The following PCDH15 variants were observed in gnomAD, a reference collection of about 807,000 sequenced individuals.
PCDH15 encodes the protein protocadherin-15.
PCDH15 carries 129 observed loss-of-function variants against 178.5 expected under a neutral mutation model. The ratio of observed to expected loss-of-function variants is 0.72; its 90% CI spans 0.63 to 0.84. PCDH15 has a LOEUF of 0.84. Ranked by LOEUF, PCDH15 falls within the 40% of genes least tolerant of loss-of-function variation. The probability of loss-of-function intolerance (pLI) is 0.00; values close to 1 mark genes in which losing one functional copy is unlikely to be tolerated. For synonymous variants in PCDH15, 800 were observed against 732.0 expected (o/e 1.09, Z -1.50); for missense variants, 2,230 against 2,099.9 (o/e 1.06, Z -1.21).
chr10:54,247,637 G>A (rs1254972627), intron 8 of PCDH15, among the ~76,000 whole-genome samples: 3 of 151,708 alleles, frequency 2.0e-5, no homozygotes, highest in Non-Finnish European at 4.4e-5. Flanking sequence ...TCATTGAGAT[G>A]GCCTTTTGGG....
chr10:55,510,889 T>C (rs1455467241), intron 2 of PCDH15, among the ~76,000 whole-genome samples: 1 of 150,622 alleles, frequency 6.6e-6, no homozygotes. Context: ...TGAGATAGGA[T>C]CTTACTCTTT....
At chr10:55,565,352 G>A (rs763017731) in intron 2 of PCDH15, among the ~76,000 whole-genome samples, 7 of 151,498 alleles carry the variant, frequency 4.6e-5, no homozygotes, top group Non-Finnish European at 7.4e-5. Flanking sequence ...AAAAAGCAGC[G>A]CTAAGAGAGA....
chr10:54,962,185 G>A (rs1426494571), intron 2 of PCDH15, among the ~76,000 whole-genome samples: 1 of 152,250 alleles, frequency 6.6e-6, no homozygotes, highest in African/African-American at 2.4e-5. Flanking sequence ...ACATGCTCCT[G>A]GACTGTAGGA....
intron 1 of PCDH15, among the ~76,000 whole-genome samples, chr10:55,200,990 T>A (rs1840231004): frequency 6.6e-6 from 1 of 152,090 alleles, no homozygotes; most frequent in African/African-American, 2.4e-5. Flanking sequence ...TATAGCAACA[T>A]GAAAACAGAC....
At chr10:54,465,506 G>A (rs928360655) in intron 3 of PCDH15, among the ~76,000 whole-genome samples, 11 of 151,932 alleles carry the variant, frequency 7.2e-5, no homozygotes, top group African/African-American at 2.7e-4. Context: ...TTGTTTCTGT[G>A]CCTGATTTAT....
At chr10:55,336,124 G>GGAAA (rs1171131975) in intron 2 of PCDH15, among the ~76,000 whole-genome samples, 8 of 59,276 alleles carry the variant, frequency 1.3e-4, no homozygotes, top group African/African-American at 3.6e-4. Context: ...CTTGGTATTT[G>GGAAA]AAAAAAAAAA....
intron 2 of PCDH15, among the ~76,000 whole-genome samples, chr10:54,620,542 T>G (rs1006472377): frequency 2.6e-5 from 4 of 152,056 alleles, no homozygotes; most frequent in African/African-American, 9.7e-5. Flanking sequence ...CCAGTGCACC[T>G]TCAGAAAGCA....
At chr10:54,564,507 G>A (rs913888264) in intron 2 of PCDH15, among the ~76,000 whole-genome samples, 4 of 152,006 alleles carry the variant, frequency 2.6e-5, no homozygotes, top group African/African-American at 4.8e-5. Context: ...CTAAAATGAC[G>A]GCACATTTTT....
At chr10:55,444,489 G>A (rs1839270991) in intron 2 of PCDH15, among the ~76,000 whole-genome samples, 1 of 151,984 alleles carries the variant, frequency 6.6e-6, no homozygotes, top group African/African-American at 2.4e-5. Flanking sequence ...AAATCAGGAA[G>A]TGAACATTCC....
chr10:54,885,421 A>G (rs533099561), intron 3 of PCDH15, among the ~76,000 whole-genome samples: 145 of 152,008 alleles, frequency 9.5e-4, no homozygotes, highest in African/African-American at 3.4e-3. Context: ...GACTATAACT[A>G]CTCCACTGGG....
chr10:54,528,913 G>A (rs941471128), intron 2 of PCDH15, among the ~76,000 whole-genome samples: 1 of 151,916 alleles, frequency 6.6e-6, no homozygotes, highest in Non-Finnish European at 1.5e-5. Context: ...TGTCAAATGT[G>A]CACCTCTGAG....
intron 2 of PCDH15, among the ~76,000 whole-genome samples, chr10:55,343,506 T>C (rs1844660392): frequency 6.6e-6 from 1 of 152,100 alleles, no homozygotes; most frequent in African/African-American, 2.4e-5. Flanking sequence ...ACATGTCACC[T>C]CTTCTTACCT....
chr10:54,012,877 T>A (rs555332050), intron 20 of PCDH15, among the ~76,000 whole-genome samples: 2 of 152,176 alleles, frequency 1.3e-5, no homozygotes, highest in Non-Finnish European at 2.9e-5. Flanking sequence ...TAAGTCTACA[T>A]AATATCCAGC....
chr10:53,828,387 C>T (rs556692129), intron 31 of PCDH15, among the ~76,000 whole-genome samples, 178 bp downstream of exon 31: 43 of 152,136 alleles, frequency 2.8e-4, no homozygotes, highest in African/African-American at 8.0e-4. Flanking sequence ...GTGCAAGTTA[C>T]GTCCAATTGT....
intron 1 of PCDH15, among the ~76,000 whole-genome samples, chr10:54,677,981 C>A (rs1263716914): frequency 6.6e-6 from 1 of 152,118 alleles, no homozygotes; most frequent in Non-Finnish European, 1.5e-5. Flanking sequence ...AGAGTATCTT[C>A]CTGCCTAGAA....
intron 2 of PCDH15, among the ~76,000 whole-genome samples, chr10:55,523,928 T>C (rs1841244120): frequency 6.6e-6 from 1 of 151,612 alleles, no homozygotes; most frequent in South Asian, 2.1e-4. Flanking sequence ...AAAGCCCACA[T>C]TCTTTTCACT....
intron 8 of PCDH15, among the ~76,000 whole-genome samples, chr10:54,312,953 A>C (rs112824685): frequency 3.9e-4 from 60 of 152,246 alleles, no homozygotes; most frequent in African/African-American, 1.4e-3. Flanking sequence ...AATATTTGCC[A>C]TAATTACTTA....
upstream of PCDH15, among the ~76,000 whole-genome samples, chr10:55,322,694 C>T (rs566592607): frequency 1.1e-4 from 16 of 150,956 alleles, no homozygotes; most frequent in Non-Finnish European, 2.1e-4. Context: ...GAACTTTGAA[C>T]GTGTGAGAGA....
At chr10:55,613,017 A>ATTTTTTTTTTTTTTTTTTTTTTTTTTT (rs34403286) in intron 2 of PCDH15, among the ~76,000 whole-genome samples, 1 of 82,388 alleles carries the variant, frequency 1.2e-5, no homozygotes, top group Non-Finnish European at 2.4e-5. Context: ...TACTAGCCAG[A>ATTTTTTTTTTTTTTTTTTTTTTTTTTT]TTTTTTTTTT....
Sources: gnomAD v4.1 joint callset for allele counts (sites outside exome capture counted in the v4.1 genomes callset) on GRCh38, gnomAD v4.1.1 for gene constraint, MANE v1.5 for transcripts, NCBI Gene and HGNC (gene_info 2026-07-23, HGNC 2026-07-21) for gene names.